Variants in CADM2 observed in about 807,000 individuals in gnomAD.
CADM2 encodes cell adhesion molecule 2, also known as immunoglobulin superfamily member 4D.
A neutral mutation model predicts 49.8 loss-of-function variants in CADM2; 12 were observed. The ratio of observed to expected loss-of-function variants is 0.24; its 90% confidence interval spans 0.15 to 0.39. The LOEUF is 0.39. Among genes scored for constraint, CADM2 ranks in the 10% least tolerant of loss-of-function variants. The pLI, the probability that CADM2 is intolerant of heterozygous loss-of-function variation, is 1.00. For synonymous variants in CADM2, 214 were observed against 175.4 expected (o/e 1.22, Z -1.74); for missense variants, 378 against 492.3 (o/e 0.77, Z 2.20).
chr3:85,199,497 C>A (rs2041438183), intron 1 of CADM2, among the ~76,000 whole-genome samples: 1 of 150,888 alleles, frequency 6.6e-6, no homozygotes, highest in Non-Finnish European at 1.5e-5. Context: ...GTTAAACTTA[C>A]AAAGTTTACA....
chr3:85,512,950 A>G (rs1266797937), intron 1 of CADM2, among the ~76,000 whole-genome samples: 1 of 152,114 alleles, frequency 6.6e-6, no homozygotes, highest in Admixed American at 6.6e-5. Flanking sequence ...CTATTTTAAC[A>G]TGCTAGTTTT....
At chr3:85,233,848 A>C (rs13085411) in intron 1 of CADM2, among the ~76,000 whole-genome samples, 62,995 of 151,972 alleles carry the variant, frequency 0.41, 14,949 homozygotes, top group Admixed American at 0.56. Flanking sequence ...AGATTAAAAA[A>C]ATAGTTCAAA....
At chr3:85,513,134 C>A (rs2060810892) in intron 1 of CADM2, among the ~76,000 whole-genome samples, 1 of 152,002 alleles carries the variant, frequency 6.6e-6, no homozygotes, top group African/African-American at 2.4e-5. Context: ...CTGCTTATTT[C>A]ATGCTTAAGT....
At chr3:85,384,420 T>C (rs1166019373) in intron 1 of CADM2, among the ~76,000 whole-genome samples, 1 of 152,100 alleles carries the variant, frequency 6.6e-6, no homozygotes, top group Non-Finnish European at 1.5e-5. Context: ...CAAGCTATTC[T>C]CCCGCTTCAG....
At chr3:85,768,798 CAT>C (rs1460507855) in intron 2 of CADM2, among the ~76,000 whole-genome samples, 7 of 107,780 alleles carry the variant, frequency 6.5e-5, no homozygotes, top group Non-Finnish European at 1.7e-5. Flanking sequence ...TATATATACA[CAT>C]ATATACATAT....
intron 8 of CADM2, among the ~76,000 whole-genome samples, chr3:85,980,147 T>C (rs1032230537): frequency 2.0e-5 from 3 of 151,574 alleles, no homozygotes; most frequent in Non-Finnish European, 1.5e-5. Flanking sequence ...TGTCTTTTTC[T>C]TATTTCTTAT....
intron 1 of CADM2, among the ~76,000 whole-genome samples, chr3:85,612,969 T>C (rs2063715762): frequency 6.6e-6 from 1 of 151,804 alleles, no homozygotes; most frequent in South Asian, 2.1e-4. Context: ...AGTACACTTC[T>C]AATTGATCAT....
chr3:85,082,374 T>C (rs2037197246), intron 1 of CADM2, among the ~76,000 whole-genome samples: 1 of 152,182 alleles, frequency 6.6e-6, no homozygotes, highest in African/African-American at 2.4e-5. Context: ...AGATTCTTGT[T>C]TGTACTACAA....
At chr3:85,725,351 C>T (rs2067659139) in intron 1 of CADM2, among the ~76,000 whole-genome samples, 1 of 151,692 alleles carries the variant, frequency 6.6e-6, no homozygotes, top group Non-Finnish European at 1.5e-5. Context: ...AGAATGAAGT[C>T]GAAATTAGAA....
At chr3:85,567,787 C>T (rs1458456469) in intron 1 of CADM2, among the ~76,000 whole-genome samples, 2 of 152,148 alleles carry the variant, frequency 1.3e-5, no homozygotes, top group Non-Finnish European at 1.5e-5. Flanking sequence ...ATGACTCTGT[C>T]CAAATTCAAG....
rs139303952 is a variant in CADM2, at chr3:85,705,662, C to T, written c.62-20860C>T. ...GGCCTTCATTATGTATTTTCCTGAACTCCACATGCTGGGACATTTAACTAG... is the reference window on the plus strand; with the variant it reads ...GGCCTTCATTATGTATTTTCCTGAATTCCACATGCTGGGACATTTAACTAG... On this transcript the variant is annotated intron_variant, in intron 1 of 9. Transcript: ENST00000383699. Among the ~76,000 whole-genome samples, 564 of 152,318 alleles carry T rather than the reference C, an allele frequency of 3.7e-3. 1 individual carries two copies. Among genetic ancestry groups the T allele is most frequent in the Middle Eastern group, 6.8e-3 (2 of 294 alleles).
rs139641948 is a variant in CADM2 at position 85,661,450 on chromosome 3, G to C, written c.62-65072G>C. 5.3e-4 allele frequency among the ~76,000 whole-genome samples: 80 copies of C among 152,114 alleles called. 1 individual carries two copies. The highest frequency in any genetic ancestry group is 4.5e-3 in the Admixed American group (68 of 15,252). On this transcript the variant is annotated intron_variant, in intron 1 of 9. Coordinates refer to ENST00000383699, the MANE Select transcript of CADM2 (RefSeq NM_001167675.2). ...GGACCAAATGAAAAAGATGCTAGTT[G>C]GGCCAGATTCTAGACAGACAAATTT... is the stretch of plus-strand genomic sequence containing the variant.
intron 1 of CADM2, among the ~76,000 whole-genome samples, chr3:85,541,917 C>T (rs2061559060): frequency 1.3e-5 from 2 of 151,166 alleles, no homozygotes; most frequent in African/African-American, 4.9e-5. Context: ...GGAGTATACA[C>T]TGTGTTTTAA....
intron 1 of CADM2, among the ~76,000 whole-genome samples, chr3:85,468,724 C>A (rs907434278): frequency 6.6e-6 from 1 of 152,044 alleles, no homozygotes; most frequent in Non-Finnish European, 1.5e-5. Context: ...TAAGTGGGGA[C>A]TTACTGTAAT....
intron 1 of CADM2, among the ~76,000 whole-genome samples, chr3:85,619,354 GA>G (rs201351464): frequency 1.3e-4 from 18 of 142,346 alleles, no homozygotes; most frequent in East Asian, 2.1e-4. Flanking sequence ...CTTTCAAAAA[GA>G]AAAAAAAAGG....
chr3:84,989,923 G>A (rs1478221755), intron 1 of CADM2, among the ~76,000 whole-genome samples: 2 of 151,662 alleles, frequency 1.3e-5, no homozygotes, highest in African/African-American at 4.8e-5. Context: ...TGCAGTAAAA[G>A]AAAAAAGTTA....
intron 8 of CADM2, among the ~76,000 whole-genome samples, chr3:86,001,343 C>T (rs1275759102): frequency 6.6e-6 from 1 of 152,070 alleles, no homozygotes; most frequent in Non-Finnish European, 1.5e-5. Context: ...CCAAGGCAAG[C>T]TTGGGTTCAT....
chr3:85,873,444 T>C (rs1711497380), intron 3 of CADM2, among the ~76,000 whole-genome samples: 2 of 152,094 alleles, frequency 1.3e-5, no homozygotes, highest in South Asian at 4.1e-4. Flanking sequence ...GGCAGGCAGA[T>C]CACTTAAGGT....
chr3:86,010,936 A>G (rs367729125), intron 8 of CADM2, among the ~76,000 whole-genome samples: 17 of 151,858 alleles, frequency 1.1e-4, no homozygotes, highest in East Asian at 9.6e-4. Flanking sequence ...TATGAAATAA[A>G]TACACTTCTC....
Sources: gnomAD v4.1 joint callset for allele counts (sites outside exome capture counted in the v4.1 genomes callset) on GRCh38, gnomAD v4.1.1 for gene constraint, MANE v1.5 for transcripts, NCBI Gene and HGNC (gene_info 2026-07-23, HGNC 2026-07-21) for gene names.